The following PTPRD variants were observed in gnomAD, a reference collection of about 807,000 sequenced individuals.
PTPRD encodes the protein receptor-type tyrosine-protein phosphatase delta.
A neutral mutation model predicts 214.5 loss-of-function variants in PTPRD; 34 were observed. The ratio of observed to expected loss-of-function variants is 0.16; its 90% CI spans 0.12 to 0.21. The LOEUF is 0.21. Ranked by LOEUF, PTPRD falls within the 10% of genes least tolerant of loss-of-function variation. PTPRD has a pLI of 1.00. For missense variants in PTPRD, 2,545 were observed against 2,398.7 expected (o/e 1.06, Z -1.27); for synonymous variants, 1,128 against 845.7 (o/e 1.33, Z -5.79).
At chr9:8,404,187 G>A (rs2092730997) in intron 36 of PTPRD, among the ~76,000 whole-genome samples, 1 of 152,172 alleles carries the variant, frequency 6.6e-6, no homozygotes, top group Non-Finnish European at 1.5e-5. Context: ...GGAGTACAGT[G>A]ACACGATCTC....
At chr9:8,692,773 A>G (rs1018263643) in intron 12 of PTPRD, among the ~76,000 whole-genome samples, 2 of 152,190 alleles carry the variant, frequency 1.3e-5, no homozygotes, top group African/African-American at 4.8e-5. Context: ...ATTATTTTCC[A>G]GACTTTTAAG....
chr9:9,144,091 C>T (rs1351455830), intron 10 of PTPRD, among the ~76,000 whole-genome samples: 1 of 152,148 alleles, frequency 6.6e-6, no homozygotes, highest in Non-Finnish European at 1.5e-5. Context: ...GGAGTATTTC[C>T]CTTCTTTCAT....
intron 9 of PTPRD, among the ~76,000 whole-genome samples, chr9:9,238,326 G>C (rs961609059): frequency 6.6e-6 from 1 of 152,076 alleles, no homozygotes; most frequent in Non-Finnish European, 1.5e-5. Flanking sequence ...GTTTGCAGTG[G>C]CTGACAAGTC....
intron 2 of PTPRD, among the ~76,000 whole-genome samples, chr9:10,541,121 C>A (rs574031601): frequency 1.3e-5 from 2 of 152,286 alleles, no homozygotes; most frequent in East Asian, 3.9e-4. Flanking sequence ...TGCTTTATGG[C>A]ATAAAACAGG....
intron 2 of PTPRD, among the ~76,000 whole-genome samples, chr9:10,467,889 T>C (rs557767493): frequency 4.6e-5 from 7 of 151,882 alleles, no homozygotes; most frequent in East Asian, 1.9e-4. Flanking sequence ...CCAGCTAACA[T>C]ATGAAAAAAA....
At chr9:8,930,052 C>G (rs559253938) in intron 11 of PTPRD, among the ~76,000 whole-genome samples, 1 of 151,766 alleles carries the variant, frequency 6.6e-6, no homozygotes, top group Admixed American at 6.6e-5. Context: ...TGTTGGTGTG[C>G]TGCACCCATT....
At chr9:10,070,425 T>C (rs1376790033) in intron 3 of PTPRD, among the ~76,000 whole-genome samples, 1 of 152,084 alleles carries the variant, frequency 6.6e-6, no homozygotes, top group Admixed American at 6.6e-5. Context: ...GGGTTCAGCA[T>C]CTTTGTAGCA....
chr9:9,837,896 C>G (rs1468042291), intron 5 of PTPRD, among the ~76,000 whole-genome samples: 1 of 152,128 alleles, frequency 6.6e-6, no homozygotes, highest in East Asian at 1.9e-4. Context: ...TTAGGTATAT[C>G]TCCTAATGTT....
chr9:9,582,021 C>A (rs779129227), intron 7 of PTPRD, among the ~76,000 whole-genome samples: 1 of 152,122 alleles, frequency 6.6e-6, no homozygotes, highest in African/African-American at 2.4e-5. Context: ...AGACATTGTA[C>A]AATTGCATTC....
At position 9,827,232 on chromosome 9, in the gene PTPRD, C is replaced by A. The variant is rs1240330074; in HGVS notation, c.-367-60381G>T. Among the ~76,000 whole-genome samples, 4 of 152,156 alleles carry A rather than the reference C, an allele frequency of 2.6e-5. No homozygotes were observed. The East Asian group carries it at 7.7e-4, about 29-fold the overall frequency. ...TAAGCCAAAAGAACAAAGCTGGAGG[C>A]ATCACACTACCTGACCTCAAACTAT... is the stretch of plus-strand genomic sequence containing the variant. On this transcript the variant is annotated intron_variant, in intron 5 of 45. Transcript: ENST00000381196.
At chr9:9,729,376 T>A (rs1229212241) in intron 7 of PTPRD, among the ~76,000 whole-genome samples, 1 of 152,058 alleles carries the variant, frequency 6.6e-6, no homozygotes, top group African/African-American at 2.4e-5. Flanking sequence ...CATAGAGGAT[T>A]TTTATCTCCT....
rs193234477 is a variant in PTPRD at position 10,394,314 on chromosome 9, T to G, written c.-599-53297A>C. The stretch of plus-strand genomic sequence containing the variant: ...GCCTCAACATACTTCTTTTGAAAAC[T>G]TGAAATCTAGTTTAGTAACTTAGAT... On this transcript the variant is annotated intron_variant, in intron 2 of 45. Transcript: ENST00000381196. Among the ~76,000 whole-genome samples the G allele has an allele frequency of 5.7e-4, 86 of 150,516 alleles. 1 individual carries two copies. Among genetic ancestry groups the G allele is most frequent in the African/African-American group, 1.6e-3 (65 of 41,254 alleles).
chr9:9,000,845 A>G (rs1280976964), intron 11 of PTPRD, among the ~76,000 whole-genome samples: 1 of 151,988 alleles, frequency 6.6e-6, no homozygotes, highest in Non-Finnish European at 1.5e-5. Flanking sequence ...ATGGATTCAC[A>G]AAAAACAAAC....
intron 3 of PTPRD, among the ~76,000 whole-genome samples, chr9:10,075,976 A>G (rs1183867456): frequency 1.3e-5 from 2 of 152,158 alleles, no homozygotes; most frequent in African/African-American, 4.8e-5. Flanking sequence ...TATTCTACTC[A>G]GAGTACGCCC....
intron 2 of PTPRD, among the ~76,000 whole-genome samples, chr9:10,449,403 C>T (rs944313457): frequency 1.3e-5 from 2 of 151,868 alleles, no homozygotes; most frequent in African/African-American, 4.9e-5. Context: ...CTCCACCTCC[C>T]AGCCGCCTGC....
chr9:10,011,148 C>G (rs1281220709), intron 4 of PTPRD, among the ~76,000 whole-genome samples: 1 of 151,956 alleles, frequency 6.6e-6, no homozygotes, highest in Non-Finnish European at 1.5e-5. Flanking sequence ...TTAAAAAGAA[C>G]ATAATCACAC....
At chr9:8,547,460 T>A (rs1283027208) in intron 14 of PTPRD, among the ~76,000 whole-genome samples, 1 of 151,926 alleles carries the variant, frequency 6.6e-6, no homozygotes, top group African/African-American at 2.4e-5. Context: ...CTGGGTAACA[T>A]GGTGAAAACC....
intron 12 of PTPRD, among the ~76,000 whole-genome samples, chr9:8,728,148 G>A (rs1363870924): frequency 6.6e-6 from 1 of 152,180 alleles, no homozygotes; most frequent in East Asian, 1.9e-4. Flanking sequence ...TACTAGAGAG[G>A]CTGACGCAGG....
At chr9:10,139,487 C>T (rs1437052303) in intron 3 of PTPRD, among the ~76,000 whole-genome samples, 1 of 151,870 alleles carries the variant, frequency 6.6e-6, no homozygotes, top group Non-Finnish European at 1.5e-5. Context: ...TCCTACCAAA[C>T]TATCAACATC....
Sources: allele counts gnomAD v4.1 joint callset (sites outside exome capture counted in the v4.1 genomes callset), GRCh38; gene constraint gnomAD v4.1.1; transcripts MANE v1.5; gene names NCBI Gene and HGNC (gene_info 2026-07-23, HGNC 2026-07-21).